Variants in KSR2 observed in about 807,000 individuals in gnomAD.
KSR2 encodes kinase suppressor of ras 2.
In KSR2, 25 loss-of-function variants were observed where a neutral mutation model predicts 107.8. The ratio of observed to expected loss-of-function variants is 0.23; its 90% CI spans 0.17 to 0.32. The LOEUF (loss-of-function observed/expected upper bound fraction) is 0.32. Ranked by LOEUF, KSR2 falls within the 10% of genes least tolerant of loss-of-function variation. KSR2 has a pLI of 1.00. For synonymous variants in KSR2, 480 were observed against 507.0 expected, an observed-to-expected ratio of 0.95 and a Z score of 0.71; for missense variants, 887 against 1,268.9, an observed-to-expected ratio of 0.70 and a Z score of 4.57.
At position 117,896,628 on chromosome 12, in the gene KSR2, T is replaced by C. The variant is rs531140978; in HGVS notation, c.181-36197A>G. 1.6e-3 allele frequency among the ~76,000 whole-genome samples: 249 copies of C among 151,946 alleles called. 1 individual carries two copies. The highest frequency in any genetic ancestry group is 5.6e-3 in the African/African-American group (234 of 41,460). ...GCGTGTGCCACCACGCCTGGCTAAT[T>C]TTTGTATTTTTAGTAGAGATGAGGT... On this transcript the variant is annotated intron_variant, in intron 1 of 19. Coordinates refer to ENST00000339824, the MANE Select transcript of KSR2 (RefSeq NM_173598.6).
chr12:117,471,260 T>C lies in KSR2; in HGVS notation c.2643A>G (p.Ala881=). The C allele has an allele frequency of 6.2e-7, 1 of 1,613,994 alleles. No individual in the cohort carries two copies. The change falls in exon 18 of 20, where the codon GCA becomes GCG. Residue 881 remains alanine (A), a synonymous_variant. Coordinates refer to ENST00000339824, the MANE Select transcript of KSR2 (RefSeq NM_173598.6). ...EWPFKTQPAE[A]IIWQMGTGMK... The stretch of plus-strand genomic sequence containing the variant: ...TGCCTGTGCCCATTTGCCAGATTAT[T>C]GCCTCTGCTGGTTGGGTCTTGAAAG...
At chr12:117,963,629 A>G (rs752997429) in intron 1 of KSR2, among the ~76,000 whole-genome samples, 1 of 152,060 alleles carries the variant, frequency 6.6e-6, no homozygotes, top group Non-Finnish European at 1.5e-5. Context: ...AAAAGCTTAT[A>G]CTTTTCTATT....
chr12:117,717,560 A>C (rs1887033192), intron 4 of KSR2, among the ~76,000 whole-genome samples: 1 of 151,930 alleles, frequency 6.6e-6, no homozygotes, highest in South Asian at 2.1e-4. Context: ...GCCCTATATG[A>C]TTTAGGCTGA....
chr12:117,777,085 A>AT (rs1279734824), intron 3 of KSR2, among the ~76,000 whole-genome samples: 5 of 94,506 alleles, frequency 5.3e-5, no homozygotes, highest in African/African-American at 3.2e-4. Context: ...TAATATATAT[A>AT]TTTTATATAT....
At chr12:117,644,689 G>T (rs1883536052) in intron 5 of KSR2, among the ~76,000 whole-genome samples, 1 of 152,168 alleles carries the variant, frequency 6.6e-6, no homozygotes, top group Admixed American at 6.5e-5. Context: ...GGAAAAGAGG[G>T]ATTCCTGACA....
intron 8 of KSR2, 24 bp downstream of exon 8, chr12:117,558,482 G>A: frequency 6.2e-7 from 1 of 1,608,960 alleles, no homozygotes; most frequent in Non-Finnish European, 8.5e-7. Context: ...CCTGCCCCTA[G>A]GGCAGTAAGT....
chr12:117,571,681 G>A (rs1225743199), intron 7 of KSR2, among the ~76,000 whole-genome samples: 7 of 152,110 alleles, frequency 4.6e-5, no homozygotes, highest in Non-Finnish European at 7.4e-5. Context: ...AGGAGTGAGC[G>A]CTCCTTGGTC....
chr12:117,859,307 G>A (rs895104321), intron 2 of KSR2, among the ~76,000 whole-genome samples: 6 of 151,708 alleles, frequency 4.0e-5, no homozygotes, highest in Non-Finnish European at 5.9e-5. Context: ...CACCATGCCC[G>A]GCTAATTTTT....
At chr12:117,641,723 A>G (rs7965878) in intron 5 of KSR2, among the ~76,000 whole-genome samples, 41,712 of 151,976 alleles carry the variant, frequency 0.27, 6,889 homozygotes, top group African/African-American at 0.46. Context: ...AATGGGGGGC[A>G]CAATTTAACC....
intron 4 of KSR2, among the ~76,000 whole-genome samples, chr12:117,696,137 C>A (rs1002466851): frequency 4.6e-5 from 7 of 152,148 alleles, no homozygotes; most frequent in African/African-American, 7.2e-5. Flanking sequence ...AAGTTTATGA[C>A]CATTAGCAAA....
chr12:117,787,397 C>T (rs1890114579), intron 3 of KSR2, among the ~76,000 whole-genome samples: 1 of 152,144 alleles, frequency 6.6e-6, no homozygotes, highest in African/African-American at 2.4e-5. Context: ...TTTTGGGAGG[C>T]CACGGCGGGC....
intron 10 of KSR2, chr12:117,539,459 G>A (rs1352636404): frequency 2.3e-6 from 1 of 436,544 alleles, no homozygotes; most frequent in Non-Finnish European, 4.0e-6. Flanking sequence ...ACCTCTTTGA[G>A]CCTCTGTTTC....
At chr12:117,471,388 T>C in intron 17 of KSR2, 68 bp from the exon 18 acceptor site, 1 of 1,530,480 alleles carries the variant, frequency 6.5e-7, no homozygotes, top group Non-Finnish European at 8.9e-7. Flanking sequence ...CCTCCATTAT[T>C]AGCACACACC....
chr12:117,601,026 T>C (rs538367258), intron 5 of KSR2, among the ~76,000 whole-genome samples: 2 of 152,264 alleles, frequency 1.3e-5, no homozygotes, highest in East Asian at 3.9e-4. Flanking sequence ...AGAATTTAAG[T>C]AGCAACCGTG....
At chr12:117,712,627 C>A (rs1886828658) in intron 4 of KSR2, among the ~76,000 whole-genome samples, 1 of 152,226 alleles carries the variant, frequency 6.6e-6, no homozygotes, top group South Asian at 2.1e-4. Context: ...AAAGGCTTAA[C>A]ACAGTGTCTG....
intron 5 of KSR2, among the ~76,000 whole-genome samples, chr12:117,618,335 A>G (rs1017933401): frequency 2.0e-5 from 3 of 151,986 alleles, no homozygotes; most frequent in South Asian, 2.1e-4. Flanking sequence ...CTTCTGCTTG[A>G]TGGAACTTGA....
At position 117,579,099 on chromosome 12, in the gene KSR2, T is replaced by G; in HGVS notation, c.1325+20A>C. 1 of 1,600,352 alleles carries G rather than the reference T, an allele frequency of 6.2e-7. No homozygotes were observed. Among genetic ancestry groups the G allele is most frequent in the Non-Finnish European group, 8.6e-7 (1 of 1,169,346 alleles). Reference sequence around the variant, plus strand: ...GACATCGGGTGCTGCGAAAAGTCACTGCAGGGCACAGTCACTTACTTGCAG... The same window carrying G: ...GACATCGGGTGCTGCGAAAAGTCACGGCAGGGCACAGTCACTTACTTGCAG... On this transcript the variant is annotated intron_variant, in intron 7 of 19. Transcript: ENST00000339824.
rs1326960862 is a variant in KSR2 at position 117,465,924 on chromosome 12, C to T, written c.*1275G>A. 6.6e-6 allele frequency: 1 copy of T among 152,186 alleles called. No individual in the cohort carries two copies. The highest frequency in any genetic ancestry group is 1.5e-5 in the Non-Finnish European group (1 of 68,072). The allele number at this position is 152,186 out of a possible 1,614,324, so 9.4% of individuals were successfully genotyped here. On this transcript the variant is annotated 3_prime_UTR_variant, in exon 20 of 20. Transcript: ENST00000339824. Reference sequence around the variant, plus strand: ...CGGCATCCTTCCTACAGATACAGAACACCAGGGGCTTCCCCAACATGGTCA... The same window carrying T: ...CGGCATCCTTCCTACAGATACAGAATACCAGGGGCTTCCCCAACATGGTCA...
intron 1 of KSR2, among the ~76,000 whole-genome samples, chr12:117,913,584 A>G (rs1471293902): frequency 3.3e-5 from 5 of 152,334 alleles, no homozygotes; most frequent in Admixed American, 2.6e-4. Context: ...TAGGAGACAC[A>G]GAGAGAAGAA....
Sources: gnomAD v4.1 joint callset for allele counts (sites outside exome capture counted in the v4.1 genomes callset) on GRCh38, gnomAD v4.1.1 for gene constraint, MANE v1.5 for transcripts, NCBI Gene and HGNC (gene_info 2026-07-23, HGNC 2026-07-21) for gene names.